The following KANSL1L variants were observed in gnomAD, a reference collection of about 807,000 sequenced individuals.
The protein encoded by KANSL1L is KAT8 regulatory NSL complex subunit 1 like.
Under a neutral mutation model 108.6 loss-of-function variants are expected in KANSL1L, and 25 were observed. That is an observed-to-expected ratio of 0.23 (90% CI 0.17 to 0.32). KANSL1L has a LOEUF of 0.32. Ranked by LOEUF, KANSL1L falls within the 10% of genes least tolerant of loss-of-function variation. The probability of loss-of-function intolerance (pLI) is 1.00; values close to 1 mark genes in which losing one functional copy is unlikely to be tolerated. For synonymous variants in KANSL1L, 405 were observed against 395.1 expected (o/e 1.03, Z -0.30); for missense variants, 1,137 against 1,125.7 (o/e 1.01, Z -0.14).
intron 12 of KANSL1L, among the ~76,000 whole-genome samples, chr2:210,025,792 G>T (rs964420707): frequency 6.6e-6 from 1 of 152,048 alleles, no homozygotes; most frequent in African/African-American, 2.4e-5. Flanking sequence ...ATAGCTCACT[G>T]CAGCCTTGAA....
At chr2:210,111,086 T>C (rs1305188939) in intron 3 of KANSL1L, among the ~76,000 whole-genome samples, 1 of 151,804 alleles carries the variant, frequency 6.6e-6, no homozygotes, top group East Asian at 1.9e-4. Flanking sequence ...CACTCCAGCC[T>C]GGCCAACAGA....
At position 210,023,194 on chromosome 2, in the gene KANSL1L, A is replaced by C; in HGVS notation, c.2734-15T>G. 1 of 1,596,118 alleles carries C rather than the reference A, an allele frequency of 6.3e-7. No homozygotes were observed. Among genetic ancestry groups the C allele is most frequent in the Middle Eastern group, 1.7e-4 (1 of 6,022 alleles). ...CACCACAAAGACTGAAAGGGGAAAA[A>C]TTTTCAGTTAAGTTTCAACTAACTT... is the stretch of plus-strand genomic sequence containing the variant. On this transcript the variant is annotated splice_polypyrimidine_tract_variant and intron_variant, in intron 14 of 14. Coordinates refer to ENST00000281772, the MANE Select transcript of KANSL1L (RefSeq NM_152519.4).
chr2:210,145,463 G>A (rs760783589), intron 2 of KANSL1L, among the ~76,000 whole-genome samples: 8 of 152,128 alleles, frequency 5.3e-5, no homozygotes, highest in Middle Eastern at 3.2e-3. Flanking sequence ...GATCAGCCAG[G>A]GGGCTGAGAT....
chr2:210,082,574 C>T (rs1343573882), intron 5 of KANSL1L, among the ~76,000 whole-genome samples: 1 of 152,194 alleles, frequency 6.6e-6, no homozygotes, highest in African/African-American at 2.4e-5. Flanking sequence ...AATACCAGCA[C>T]ATGCTAAACT....
At chr2:210,108,790 G>A (rs2094876249) in intron 3 of KANSL1L, among the ~76,000 whole-genome samples, 2 of 152,186 alleles carry the variant, frequency 1.3e-5, no homozygotes, top group Admixed American at 6.5e-5. Flanking sequence ...AGTGAATGTG[G>A]TTCCCTCAAA....
intron 5 of KANSL1L, among the ~76,000 whole-genome samples, chr2:210,093,959 CA>C (rs2094714218): frequency 6.6e-6 from 1 of 152,108 alleles, no homozygotes; most frequent in Non-Finnish European, 1.5e-5. Flanking sequence ...ATAAGTTTGT[CA>C]CAAAAGGACA....
intron 11 of KANSL1L, chr2:210,028,403 C>CTTTTTTTTT (rs397872290): frequency 3.5e-5 from 3 of 85,978 alleles, no homozygotes; most frequent in Non-Finnish European, 4.4e-5. Flanking sequence ...GCATCAAAAT[C>CTTTTTTTTT]TTTTTTTTTT....
intron 3 of KANSL1L, among the ~76,000 whole-genome samples, chr2:210,111,219 C>G (rs1439290862): frequency 6.7e-6 from 1 of 150,174 alleles, no homozygotes; most frequent in Non-Finnish European, 1.5e-5. Flanking sequence ...TTCATAATAG[C>G]CAAAAACTAA....
At chr2:210,027,195 G>C in intron 12 of KANSL1L, 101 bp downstream of exon 12, 1 of 727,708 alleles carries the variant, frequency 1.4e-6, no homozygotes, top group Non-Finnish European at 2.4e-6. Flanking sequence ...ATCAGTGTAA[G>C]TTAAAGGGCT....
chr2:210,139,181 G>A (rs1278703197), intron 2 of KANSL1L, among the ~76,000 whole-genome samples: 1 of 152,150 alleles, frequency 6.6e-6, no homozygotes, highest in African/African-American at 2.4e-5. Flanking sequence ...ATTGTAAGTT[G>A]AGCCATCATA....
At chr2:210,125,047 A>T (rs1274797495) in intron 3 of KANSL1L, among the ~76,000 whole-genome samples, 1 of 152,144 alleles carries the variant, frequency 6.6e-6, no homozygotes, top group Non-Finnish European at 1.5e-5. Context: ...TGAGGTCAGG[A>T]GTTTGAGACC....
At chr2:210,089,374 T>C (rs1487782661) in intron 5 of KANSL1L, among the ~76,000 whole-genome samples, 4 of 152,184 alleles carry the variant, frequency 2.6e-5, no homozygotes, top group African/African-American at 7.2e-5. Context: ...AGCAAAACAG[T>C]GATGTTATAA....
chr2:210,102,974 C>A (rs1457156879), intron 4 of KANSL1L, among the ~76,000 whole-genome samples: 1 of 152,078 alleles, frequency 6.6e-6, no homozygotes, highest in Admixed American at 6.6e-5. Flanking sequence ...TGGGTATATA[C>A]CCAAAGGATT....
intron 3 of KANSL1L, among the ~76,000 whole-genome samples, chr2:210,113,980 C>T (rs1304003406): frequency 1.3e-5 from 2 of 151,820 alleles, no homozygotes; most frequent in Non-Finnish European, 2.9e-5. Context: ...TGTGGGAGTT[C>T]CAGAAAAAGA....
At chr2:210,130,820 G>T (rs2095113035) in intron 2 of KANSL1L, among the ~76,000 whole-genome samples, 1 of 146,600 alleles carries the variant, frequency 6.8e-6, no homozygotes, top group African/African-American at 2.5e-5. Context: ...AAACAAAGTG[G>T]AAACTACTGG....
At chr2:210,050,052 T>A (rs1445904576) in intron 6 of KANSL1L, among the ~76,000 whole-genome samples, 2 of 152,160 alleles carry the variant, frequency 1.3e-5, no homozygotes, top group Non-Finnish European at 2.9e-5. Flanking sequence ...GACAGATGTT[T>A]GAGTTGGGGA....
chr2:210,028,995 T>C (rs765258937), intron 10 of KANSL1L, 26 bp from the exon 11 acceptor site: 63 of 1,586,800 alleles, frequency 4.0e-5, no homozygotes, highest in Non-Finnish European at 1.7e-6. Flanking sequence ...ACAGTAGATT[T>C]ACAGTACTGT....
At chr2:210,087,799 G>A (rs931124459) in intron 5 of KANSL1L, among the ~76,000 whole-genome samples, 11 of 152,102 alleles carry the variant, frequency 7.2e-5, no homozygotes, top group Admixed American at 3.3e-4. Flanking sequence ...CCAGAAAACA[G>A]GCTGTTCTCA....
At chr2:210,109,254 T>C (rs1433378180) in intron 3 of KANSL1L, among the ~76,000 whole-genome samples, 2 of 152,170 alleles carry the variant, frequency 1.3e-5, no homozygotes, top group African/African-American at 4.8e-5. Flanking sequence ...ATAGGTTTTA[T>C]CTCCCTTACC....
Sources: gnomAD v4.1 joint callset for allele counts (sites outside exome capture counted in the v4.1 genomes callset) on GRCh38, gnomAD v4.1.1 for gene constraint, MANE v1.5 for transcripts, NCBI Gene and HGNC (gene_info 2026-07-23, HGNC 2026-07-21) for gene names.